Variants in DSTYK observed in about 807,000 individuals in gnomAD.
The protein encoded by DSTYK is dual serine/threonine and tyrosine protein kinase.
A neutral mutation model predicts 98.7 loss-of-function variants in DSTYK; 34 were observed. That is an observed-to-expected ratio of 0.34 (90% CI 0.26 to 0.46). The LOEUF (loss-of-function observed/expected upper bound fraction) is 0.46. DSTYK is among the 20% of genes least tolerant of loss of function. The pLI, the probability that DSTYK is intolerant of heterozygous loss-of-function variation, is 1.00. For missense variants in DSTYK, 962 were observed against 1,181.7 expected (o/e 0.81, Z 2.73); for synonymous variants, 462 against 457.3 (o/e 1.01, Z -0.13).
At chr1:205,196,149 A>G (rs1246854383) in intron 1 of DSTYK, among the ~76,000 whole-genome samples, 2 of 152,234 alleles carry the variant, frequency 1.3e-5, no homozygotes, top group Non-Finnish European at 2.9e-5. Context: ...GGAAGATATT[A>G]CAATCCATTG....
chr1:205,162,086 G>T lies in DSTYK; in HGVS notation c.1768C>A (p.Arg590=). 6.2e-7 allele frequency: 1 copy of T among 1,614,098 alleles called. No individual in the cohort carries two copies. Among genetic ancestry groups the T allele is most frequent in the African/African-American group, 1.3e-5 (1 of 75,024 alleles). ...KLAKSICSQF[R]TRLNSSHEAF... is the part of the protein sequence containing the mutation. ...TCGTGGGAACTATTGAGCCGAGTCC[G>T]GAATTGGCTGCAAATGCTCTTAGCC... The change falls in exon 6 of 13, where the codon CGG becomes AGG. Residue 590 remains arginine, a synonymous_variant. Coordinates refer to ENST00000367162, the MANE Select transcript of DSTYK (RefSeq NM_015375.3).
rs1206651907 is a variant in DSTYK at position 205,169,208 on chromosome 1, T to G, written c.1279A>C (p.Met427Leu). The G allele has an allele frequency of 4.3e-6, 7 of 1,612,184 alleles. No individual in the cohort carries two copies. ...KDMIVETLNT[M>L]KEELLDDATN... is the part of the protein sequence containing the mutation. ...GCATCATCCAGAAGTTCCTCCTTCA[T>G]GGTATTAAGTGTCTCAACAATCATA... Residue 427 changes from methionine (M) to leucine (L), a missense_variant, in exon 3 of 13, where the codon ATG becomes CTG. Met to Leu is a conservative substitution (Grantham distance 15). This residue lies in a region of DSTYK where 660 missense variants were observed against 855.0 expected (regional missense o/e 0.77). Coordinates refer to ENST00000367162, the MANE Select transcript of DSTYK (RefSeq NM_015375.3). This position sits in a 1 kb window ranked among gnomAD's most constrained non-coding sequence, Gnocchi z 4.0.
rs1348993594 is a variant in DSTYK, at chr1:205,198,205, AAAG to A, written c.266-10402_266-10400del. 8.3e-3 allele frequency among the ~76,000 whole-genome samples: 1,258 copies of A among 151,214 alleles called. 21 individuals carry two copies. Among genetic ancestry groups the A allele is most frequent in the African/African-American group, 0.029 (1,205 of 41,450 alleles). On this transcript the variant is annotated intron_variant, in intron 1 of 12. Transcript: ENST00000367162. ...TGAAACTCCGTCTCAAAAAAAAAAG[AAAG>A]AAAGAAAGAAAGAAACCAACAGAGG...
chr1:205,154,277 C>T (rs1377084352), intron 10 of DSTYK, among the ~76,000 whole-genome samples: 6 of 152,152 alleles, frequency 3.9e-5, no homozygotes, highest in Admixed American at 3.9e-4. Flanking sequence ...AAGTCTCACA[C>T]ACCATCTTTC....
intron 10 of DSTYK, among the ~76,000 whole-genome samples, chr1:205,153,918 T>A (rs1057029311): frequency 1.3e-5 from 2 of 151,204 alleles, no homozygotes; most frequent in Admixed American, 6.6e-5. Flanking sequence ...TTTACCATGT[T>A]GGCCAGGCTG....
chr1:205,157,375 G>C lies in DSTYK; in HGVS notation c.2250C>G (p.Thr750=), dbSNP rs1657593401. 1 of 1,613,916 alleles carries C rather than the reference G, an allele frequency of 6.2e-7. No homozygotes were observed. The highest frequency in any genetic ancestry group is 1.7e-5 in the Admixed American group (1 of 59,994). ...DLYTGLKAGL[T]LETRLQIALD... ...GTGCTATCTGCAAACGTGTCTCCAG[G>C]GTCAGCCCAGCCTTGGGGAGACAAA... Residue 750 remains threonine, a synonymous_variant, in exon 10 of 13, where the codon ACC becomes ACG. Coordinates refer to ENST00000367162, the MANE Select transcript of DSTYK (RefSeq NM_015375.3).
chr1:205,201,211 A>G (rs923350510), intron 1 of DSTYK, among the ~76,000 whole-genome samples: 32 of 152,040 alleles, frequency 2.1e-4, no homozygotes, highest in African/African-American at 7.5e-4. Flanking sequence ...GCCCAGTTGT[A>G]TATTTTTAAA....
At chr1:205,174,035 G>A (rs1658149572) in intron 2 of DSTYK, among the ~76,000 whole-genome samples, 1 of 151,750 alleles carries the variant, frequency 6.6e-6, no homozygotes, top group South Asian at 2.1e-4. Flanking sequence ...CTGTTTTTAA[G>A]AGACCAGCTG....
chr1:205,155,083 C>T (rs1284862022), intron 10 of DSTYK, among the ~76,000 whole-genome samples: 32 of 152,072 alleles, frequency 2.1e-4, no homozygotes, highest in African/African-American at 7.2e-4. Context: ...CTCCCAGGTT[C>T]AAGCAATTCT....
chr1:205,174,357 A>G (rs1312566258), intron 2 of DSTYK, among the ~76,000 whole-genome samples: 1 of 152,040 alleles, frequency 6.6e-6, no homozygotes, highest in Non-Finnish European at 1.5e-5. Context: ...TACTAAAAAT[A>G]CAAAAATTAG....
At chr1:205,190,236 G>A (rs1658669922) in intron 1 of DSTYK, among the ~76,000 whole-genome samples, 1 of 152,174 alleles carries the variant, frequency 6.6e-6, no homozygotes, top group Non-Finnish European at 1.5e-5. Context: ...AAAGCTGTAA[G>A]CAAACCCACT....
chr1:205,184,921 G>A lies in DSTYK; in HGVS notation c.654+2497C>T, dbSNP rs1336515101. Reference sequence around the variant, plus strand: ...TTTAAACCAATAAAATGAAGGGGCCGGGTATGGTGGCTCATGCCTGTAATC... The same window carrying A: ...TTTAAACCAATAAAATGAAGGGGCCAGGTATGGTGGCTCATGCCTGTAATC... On this transcript the variant is annotated intron_variant, in intron 2 of 12. Coordinates refer to ENST00000367162, the MANE Select transcript of DSTYK (RefSeq NM_015375.3). Among the ~76,000 whole-genome samples, 2 of 151,972 alleles carry A rather than the reference G, an allele frequency of 1.3e-5. 1 individual carries two copies. Among genetic ancestry groups the A allele is most frequent in the Non-Finnish European group, 2.9e-5 (2 of 67,996 alleles).
intron 1 of DSTYK, among the ~76,000 whole-genome samples, chr1:205,199,748 G>A (rs1658971008): frequency 6.6e-6 from 1 of 152,106 alleles, no homozygotes; most frequent in Non-Finnish European, 1.5e-5. Flanking sequence ...GCACCATGTA[G>A]GAAGCAAACC....
At chr1:205,151,356 G>A (rs1266561458) in intron 10 of DSTYK, among the ~76,000 whole-genome samples, 1 of 152,152 alleles carries the variant, frequency 6.6e-6, no homozygotes, top group Admixed American at 6.5e-5. Flanking sequence ...TCTACTTACT[G>A]TAGTTTTACT....
Position 205,181,653 on chromosome 1 carries a change from G to GGGGTGTGT in DSTYK, c.654+5764_654+5765insACACACCC, listed in dbSNP as rs758360038. Among the ~76,000 whole-genome samples the GGGGTGTGT allele has an allele frequency of 3.5e-3, 294 of 84,034 alleles. 2 individuals are homozygous for GGGGTGTGT. Among genetic ancestry groups the GGGGTGTGT allele is most frequent in the East Asian group, 0.016 (65 of 3,940 alleles). The allele number at this position is 84,034 out of a possible 152,430, so 55.1% of individuals were successfully genotyped here. ...CACAGATGTGAGCCACAGATGTTGG[G>GGGGTGTGT]GTTTGTGTGTGTGTGTGTGTGTGTG... is the stretch of plus-strand genomic sequence containing the variant. On this transcript the variant is annotated intron_variant, in intron 2 of 12. Coordinates refer to ENST00000367162, the MANE Select transcript of DSTYK (RefSeq NM_015375.3).
At chr1:205,196,374 T>C (rs373069530) in intron 1 of DSTYK, among the ~76,000 whole-genome samples, 1 of 152,010 alleles carries the variant, frequency 6.6e-6, no homozygotes, top group East Asian at 1.9e-4. Context: ...CTGGGCAACA[T>C]AGTGAGACTC....
Position 205,143,520 on chromosome 1 carries a change from T to G in DSTYK, c.*4038A>C, listed in dbSNP as rs542951057. 7.2e-5 allele frequency: 11 copies of G among 152,466 alleles called. No homozygotes were observed. Among genetic ancestry groups the G allele is most frequent in the Admixed American group, 1.3e-4 (2 of 15,260 alleles). 9.4% of individuals were successfully genotyped at this position (152,466 alleles called of 1,614,324 possible). A position where few individuals can be genotyped will look rare whatever the true frequency, so the allele number is the denominator to read the frequency against. ...ACAATATGGATGGACTAGGGAGGCT[T>G]CCTGATTATCCAAATGGAATACCAA... On this transcript the variant is annotated 3_prime_UTR_variant, in exon 13 of 13. Transcript: ENST00000367162.
intron 2 of DSTYK, among the ~76,000 whole-genome samples, chr1:205,172,000 T>C (rs996151582): frequency 1.3e-4 from 20 of 152,312 alleles, no homozygotes; most frequent in Non-Finnish European, 2.5e-4. Flanking sequence ...CTGTCACCCA[T>C]GCTGGAGTGC....
chr1:205,182,768 T>C (rs1351096460), intron 2 of DSTYK, among the ~76,000 whole-genome samples: 1 of 150,528 alleles, frequency 6.6e-6, no homozygotes, highest in Non-Finnish European at 1.5e-5. Flanking sequence ...ATTGCGTCAT[T>C]GCATTCCAGC....
Sources: gnomAD v4.1 joint callset for allele counts (sites outside exome capture counted in the v4.1 genomes callset) on GRCh38, gnomAD v4.1.1 for gene constraint, gnomAD v4.1.1 regional missense constraint, Gnocchi (gnomAD v3.1) non-coding constraint, MANE v1.5 for transcripts, NCBI Gene and HGNC (gene_info 2026-07-23, HGNC 2026-07-21) for gene names.